The following SNTG2 variants were observed in gnomAD, a reference collection of about 807,000 sequenced individuals.
SNTG2 encodes syntrophin gamma 2, also known as gamma-2-syntrophin.
SNTG2 carries 74 observed loss-of-function variants against 70.9 expected under a neutral mutation model. That is an observed-to-expected ratio of 1.04 (90% CI 0.86 to 1.27). The LOEUF is 1.27. Among genes scored for constraint, SNTG2 ranks in the 50% most tolerant of loss-of-function variants. The probability of loss-of-function intolerance (pLI) is 0.00; values close to 1 mark genes in which losing one functional copy is unlikely to be tolerated. For missense variants in SNTG2, 717 were observed against 690.7 expected, an observed-to-expected ratio of 1.04 and a Z score of -0.43; for synonymous variants, 278 against 273.8, an observed-to-expected ratio of 1.02 and a Z score of -0.15.
chr2:1,268,448 C>A (rs1311091615), intron 14 of SNTG2, among the ~76,000 whole-genome samples: 1 of 152,196 alleles, frequency 6.6e-6, no homozygotes, highest in African/African-American at 2.4e-5. Flanking sequence ...TTCCCTGTAA[C>A]TAATGCACAC....
At chr2:1,123,350 A>G (rs1211222161) in intron 4 of SNTG2, among the ~76,000 whole-genome samples, 1 of 152,240 alleles carries the variant, frequency 6.6e-6, no homozygotes, top group Admixed American at 6.5e-5. Context: ...GTTGGTATAA[A>G]AAACAGACAC....
chr2:1,142,935 C>T (rs1668852501), intron 6 of SNTG2, among the ~76,000 whole-genome samples: 1 of 152,156 alleles, frequency 6.6e-6, no homozygotes. Context: ...TGAAATTAGG[C>T]TTCATAATAA....
chr2:1,236,309 A>C (rs1456987465), intron 9 of SNTG2, among the ~76,000 whole-genome samples: 1 of 152,378 alleles, frequency 6.6e-6, no homozygotes, highest in East Asian at 1.9e-4. Flanking sequence ...TGTAAAAATT[A>C]ATTTATTATA....
intron 1 of SNTG2, among the ~76,000 whole-genome samples, chr2:979,241 T>C (rs1390290293): frequency 6.6e-6 from 1 of 152,172 alleles, no homozygotes; most frequent in Admixed American, 6.5e-5. Context: ...TATAAATACA[T>C]CTATAGTGGC....
At chr2:1,312,624 G>A (rs1681059831) in intron 15 of SNTG2, among the ~76,000 whole-genome samples, 1 of 152,124 alleles carries the variant, frequency 6.6e-6, no homozygotes, top group Non-Finnish European at 1.5e-5. Flanking sequence ...CGTTCTTGGG[G>A]ACACGTTGAA....
chr2:1,232,589 T>C (rs1167413286), intron 9 of SNTG2, among the ~76,000 whole-genome samples: 2 of 152,232 alleles, frequency 1.3e-5, no homozygotes, highest in Non-Finnish European at 1.5e-5. Flanking sequence ...TGAGCCACCA[T>C]GCCCAGCCCA....
chr2:1,349,278 C>A (rs1660457270), intron 16 of SNTG2, among the ~76,000 whole-genome samples: 1 of 152,158 alleles, frequency 6.6e-6, no homozygotes, highest in African/African-American at 2.4e-5. Context: ...TCTCAAACAC[C>A]AGTCTTAGTC....
At chr2:1,085,315 A>G (rs1261058587) in intron 2 of SNTG2, among the ~76,000 whole-genome samples, 6 of 152,246 alleles carry the variant, frequency 3.9e-5, no homozygotes, top group African/African-American at 1.4e-4. Context: ...GCTAGAAAAA[A>G]ATAAATTACA....
At chr2:1,224,725 A>AT (rs1315146831) in intron 9 of SNTG2, among the ~76,000 whole-genome samples, 1 of 152,026 alleles carries the variant, frequency 6.6e-6, no homozygotes, top group East Asian at 1.9e-4. Flanking sequence ...TGTTGTAGAG[A>AT]TTTTTATGTT....
At chr2:1,033,845 A>G (rs1443387315) in intron 1 of SNTG2, among the ~76,000 whole-genome samples, 1 of 152,236 alleles carries the variant, frequency 6.6e-6, no homozygotes, top group Non-Finnish European at 1.5e-5. Context: ...TGCTCCCTGC[A>G]ATAACACATG....
At chr2:1,271,919 A>G (rs1330585209) in intron 14 of SNTG2, among the ~76,000 whole-genome samples, 1 of 151,716 alleles carries the variant, frequency 6.6e-6, no homozygotes, top group Non-Finnish European at 1.5e-5. Context: ...TCAAGGAAAC[A>G]CCATTGGCTG....
chr2:1,274,927 G>A (rs1424952158), intron 14 of SNTG2, among the ~76,000 whole-genome samples: 1 of 152,182 alleles, frequency 6.6e-6, no homozygotes, highest in Non-Finnish European at 1.5e-5. Flanking sequence ...TCTGCAGGCT[G>A]GGAAGTTCAA....
intron 14 of SNTG2, among the ~76,000 whole-genome samples, chr2:1,303,129 C>T (rs1253355942): frequency 6.6e-6 from 1 of 152,094 alleles, no homozygotes; most frequent in African/African-American, 2.4e-5. Context: ...TCAACAGTAC[C>T]ATCAACTAAA....
intron 14 of SNTG2, among the ~76,000 whole-genome samples, chr2:1,305,703 G>A (rs1055657854): frequency 3.3e-5 from 5 of 152,206 alleles, no homozygotes; most frequent in Admixed American, 2.0e-4. Context: ...TGTCTGGGAG[G>A]ATACTGATTG....
At chr2:1,309,322 T>A (rs1680865635) in intron 15 of SNTG2, among the ~76,000 whole-genome samples, 1 of 152,238 alleles carries the variant, frequency 6.6e-6, no homozygotes, top group Non-Finnish European at 1.5e-5. Context: ...TTGGATGCCC[T>A]CTGCAGTGAA....
chr2:1,313,666 G>A (rs766971994), intron 15 of SNTG2, among the ~76,000 whole-genome samples: 2 of 152,154 alleles, frequency 1.3e-5, no homozygotes, highest in Admixed American at 6.5e-5. Flanking sequence ...CACCACAGGC[G>A]ATTTGGAAGG....
At chr2:1,196,093 T>A (rs1287824372) in intron 8 of SNTG2, among the ~76,000 whole-genome samples, 1 of 152,196 alleles carries the variant, frequency 6.6e-6, no homozygotes, top group Non-Finnish European at 1.5e-5. Flanking sequence ...CTTTATAGTT[T>A]CAGACTCCAA....
intron 16 of SNTG2, among the ~76,000 whole-genome samples, chr2:1,355,730 G>T (rs965689151): frequency 2.0e-5 from 3 of 152,096 alleles, no homozygotes; most frequent in African/African-American, 7.2e-5. Context: ...GTCATCTCGT[G>T]GTTGTCTTTT....
chr2:1,082,948 G>A lies in SNTG2; in HGVS notation c.73-570G>A, dbSNP rs373280463. Among the ~76,000 whole-genome samples the A allele has an allele frequency of 2.4e-3, 362 of 152,196 alleles. 1 individual carries two copies. The highest frequency in any genetic ancestry group is 8.3e-3 in the African/African-American group (344 of 41,512). On this transcript the variant is annotated intron_variant, in intron 1 of 16. Coordinates refer to ENST00000308624, the MANE Select transcript of SNTG2 (RefSeq NM_018968.4). ...CTAGCAATTCCACATTGTGTTGCTT[G>A]CTGTCCAGGAACAACAGGCCTGGCC... is the stretch of plus-strand genomic sequence containing the variant.
Sources: gnomAD v4.1 joint callset for allele counts (sites outside exome capture counted in the v4.1 genomes callset) on GRCh38, gnomAD v4.1.1 for gene constraint, MANE v1.5 for transcripts, NCBI Gene and HGNC (gene_info 2026-07-23, HGNC 2026-07-21) for gene names.